The following PZP variants were observed in gnomAD, a reference collection of about 807,000 sequenced individuals.
PZP encodes the protein PZP alpha-2-macroglobulin like, also known as pregnancy zone protein.
Under a neutral mutation model 179.8 loss-of-function variants are expected in PZP, and 150 were observed. That is an observed-to-expected ratio of 0.83 (90% confidence interval 0.73 to 0.96). PZP has a LOEUF of 0.96. PZP is among the 40% of genes least tolerant of loss of function. PZP has a pLI of 0.00. For synonymous variants in PZP, 624 were observed against 652.3 expected (o/e 0.96, Z 0.66); for missense variants, 1,689 against 1,764.0 (o/e 0.96, Z 0.76).
At chr12:9,155,042 G>A (rs768553044) in intron 28 of PZP, among the ~76,000 whole-genome samples, 60 of 152,308 alleles carry the variant, frequency 3.9e-4, no homozygotes, top group African/African-American at 1.4e-3. Context: ...GGTAGGGTAG[G>A]TTGATGGAGG....
At chr12:9,139,234 C>T in the PZP span, among the ~76,000 whole-genome samples, 3 of 151,730 alleles carry the variant, frequency 2.0e-5, no homozygotes, top group African/African-American at 7.3e-5. Context: ...TTTTATTTTT[C>T]CAGTCTTCCT....
intron 14 of PZP, among the ~76,000 whole-genome samples, 191 bp downstream of exon 14, chr12:9,181,784 T>C (rs1942776477): frequency 6.6e-6 from 1 of 152,320 alleles, no homozygotes; most frequent in East Asian, 1.9e-4. Flanking sequence ...TGTATTTTAT[T>C]TGGTAGCAGC....
the PZP span, among the ~76,000 whole-genome samples, chr12:9,141,771 A>T: frequency 6.6e-6 from 1 of 152,182 alleles, no homozygotes; most frequent in Non-Finnish European, 1.5e-5. Flanking sequence ...ACTTTTAGCA[A>T]CCTTTACTTT....
intron 6 of PZP, among the ~76,000 whole-genome samples, chr12:9,200,663 G>A (rs1024076648): frequency 1.1e-4 from 17 of 152,094 alleles, no homozygotes; most frequent in Admixed American, 5.2e-4. Flanking sequence ...AACAAATGAT[G>A]GTGGTTTCAC....
intron 17 of PZP, 102 bp downstream of exon 17, chr12:9,168,767 G>C (rs1017841293): frequency 1.2e-6 from 1 of 829,020 alleles, no homozygotes; most frequent in African/African-American, 1.7e-5. Flanking sequence ...GTTTCTTTGT[G>C]TGTATAAAGT....
At chr12:9,154,393 G>A (rs1000589153) in intron 29 of PZP, among the ~76,000 whole-genome samples, 9 of 152,200 alleles carry the variant, frequency 5.9e-5, no homozygotes, top group Admixed American at 3.9e-4. Flanking sequence ...AAAGATGCTC[G>A]TTGTACGTCT....
intron 11 of PZP, 34 bp downstream of exon 11, chr12:9,194,043 C>A (rs754456268): frequency 6.3e-7 from 1 of 1,575,332 alleles, no homozygotes; most frequent in Admixed American, 1.7e-5. Context: ...CTAACATTTC[C>A]TTTGTCCTCA....
Position 9,149,616 on chromosome 12 carries a change from T to C in PZP, c.4385-14A>G, listed in dbSNP as rs777993074. ...CCACAGACTCATCTGAAAGATAACGTTGGGTGAAGGAAGAAACGAAAGATC... is the reference window on the plus strand; with the variant it reads ...CCACAGACTCATCTGAAAGATAACGCTGGGTGAAGGAAGAAACGAAAGATC... On this transcript the variant is annotated splice_polypyrimidine_tract_variant and intron_variant, in intron 34 of 35. Coordinates refer to ENST00000261336, the MANE Select transcript of PZP (RefSeq NM_002864.3). 8.7e-6 allele frequency: 14 copies of C among 1,611,942 alleles called. No homozygotes were observed. The highest frequency in any genetic ancestry group is 1.7e-4 in the Middle Eastern group (1 of 6,044).
intron 15 of PZP, among the ~76,000 whole-genome samples, chr12:9,171,956 G>A (rs947856741): frequency 4.6e-5 from 7 of 152,178 alleles, no homozygotes; most frequent in African/African-American, 1.7e-4. Flanking sequence ...AACCTAGCAA[G>A]ACAGGCCAAC....
chr12:9,204,340 A>T (rs1478208766), intron 1 of PZP, among the ~76,000 whole-genome samples: 2 of 152,310 alleles, frequency 1.3e-5, no homozygotes, highest in East Asian at 3.9e-4. Flanking sequence ...AAAAATTGGG[A>T]GTGATTATTC....
intron 15 of PZP, among the ~76,000 whole-genome samples, chr12:9,171,023 T>A (rs933985246): frequency 3.9e-5 from 6 of 152,130 alleles, no homozygotes; most frequent in Admixed American, 2.6e-4. Flanking sequence ...TTTGAGAAGG[T>A]CCCTGATCCC....
At chr12:9,143,395 G>C in the PZP span, among the ~76,000 whole-genome samples, 12 of 152,104 alleles carry the variant, frequency 7.9e-5, no homozygotes, top group African/African-American at 2.9e-4. Flanking sequence ...TGGGGCTGAG[G>C]GTTCGGACAG....
intron 17 of PZP, 82 bp from the exon 18 acceptor site, chr12:9,166,284 T>G: frequency 1.4e-6 from 2 of 1,424,608 alleles, no homozygotes; most frequent in Non-Finnish European, 1.9e-6. Context: ...GAGAACAAAA[T>G]TTTCAGTTTT....
chr12:9,142,548 T>G, the PZP span, among the ~76,000 whole-genome samples: 1 of 152,242 alleles, frequency 6.6e-6, no homozygotes, highest in South Asian at 2.1e-4. Context: ...CTTTTACTTT[T>G]CCTCTAAAAA....
intron 15 of PZP, among the ~76,000 whole-genome samples, chr12:9,177,754 C>T (rs1176035384): frequency 3.3e-5 from 5 of 152,218 alleles, no homozygotes; most frequent in Non-Finnish European, 7.3e-5. Flanking sequence ...ATAGTTTCTT[C>T]TCACTTCCAC....
intron 29 of PZP, 94 bp downstream of exon 29, chr12:9,154,522 A>G: frequency 1.7e-6 from 2 of 1,186,960 alleles, no homozygotes; most frequent in Non-Finnish European, 2.4e-6. Context: ...CAATGATTTA[A>G]TAATTGCCTT....
chr12:9,193,934 A>C, intron 11 of PZP, 143 bp downstream of exon 11: 11 of 749,462 alleles, frequency 1.5e-5, no homozygotes, highest in Non-Finnish European at 1.8e-5. Context: ...TTTTCATGAA[A>C]TTCTATTATC....
Position 9,176,731 on chromosome 12 carries a change from C to T in PZP, c.1839+4252G>A, listed in dbSNP as rs147357428. 8.4e-3 allele frequency among the ~76,000 whole-genome samples: 1,284 copies of T among 152,254 alleles called. 15 individuals carry two copies. Among genetic ancestry groups the T allele is most frequent in the Non-Finnish European group, 0.015 (995 of 68,018 alleles). On this transcript the variant is annotated intron_variant, in intron 15 of 35. Coordinates refer to ENST00000261336, the MANE Select transcript of PZP (RefSeq NM_002864.3). ...GGCTTGATCTCAGAGTAATTATGGA[C>T]GAGTAACTCCTGAGTGCCTCTTGTT...
chr12:9,195,226 A>G (rs776033170), intron 10 of PZP, among the ~76,000 whole-genome samples: 13 of 152,316 alleles, frequency 8.5e-5, no homozygotes, highest in Admixed American at 6.5e-4. Context: ...ATGATGTATC[A>G]ATTTTTAAAA....
Sources: gnomAD v4.1 joint callset for allele counts (sites outside exome capture counted in the v4.1 genomes callset) on GRCh38, gnomAD v4.1.1 for gene constraint, MANE v1.5 for transcripts, NCBI Gene and HGNC (gene_info 2026-07-23, HGNC 2026-07-21) for gene names.